Variants in PLAC8L1 observed in about 807,000 individuals in gnomAD.
The protein encoded by PLAC8L1 is PLAC8 like 1.
A neutral mutation model predicts 16.3 loss-of-function variants in PLAC8L1; 13 were observed. The observed-to-expected ratio is 0.80, with a 90% CI of 0.52 to 1.27. The LOEUF (loss-of-function observed/expected upper bound fraction) is 1.27. Among genes scored for constraint, PLAC8L1 ranks in the 50% most tolerant of loss-of-function variants. The pLI is 0.00. For synonymous variants in PLAC8L1, 78 were observed against 79.3 expected (o/e 0.98, Z 0.09); for missense variants, 184 against 220.2 (o/e 0.84, Z 1.04).
At chr5:146,099,123 G>A (rs1429467859) in intron 1 of PLAC8L1, among the ~76,000 whole-genome samples, 1 of 152,138 alleles carries the variant, frequency 6.6e-6, no homozygotes, top group Non-Finnish European at 1.5e-5. Context: ...GGGATGTCTG[G>A]AGTGATTTCC....
Position 146,104,398 on chromosome 5 carries a change from A to C in PLAC8L1, c.-87T>G, listed in dbSNP as rs1364887307. 1.0e-6 allele frequency: 1 copy of C among 1,001,478 alleles called. No individual in the cohort carries two copies. The highest frequency in any genetic ancestry group is 1.6e-6 in the Non-Finnish European group (1 of 632,108). 62.0% of individuals were successfully genotyped at this position (1,001,478 alleles called of 1,614,324 possible). A position where few individuals can be genotyped will look rare whatever the true frequency, so the allele number is the denominator to read the frequency against. On this transcript the variant is annotated 5_prime_UTR_variant, in exon 1 of 4. Transcript: ENST00000311450. Reference sequence around the variant, plus strand: ...CTAAACTTCGGATTAGTCCAAAGTGAAACATCTCTTGAAAGAATGTTCCCT... The same window carrying C: ...CTAAACTTCGGATTAGTCCAAAGTGCAACATCTCTTGAAAGAATGTTCCCT...
At chr5:146,096,657 T>C (rs921363912) in intron 2 of PLAC8L1, among the ~76,000 whole-genome samples, 1 of 151,346 alleles carries the variant, frequency 6.6e-6, no homozygotes, top group African/African-American at 2.4e-5. Context: ...TTTGCCCTAG[T>C]TAAAAGTGCA....
At chr5:146,085,387 G>T in intron 3 of PLAC8L1, 74 bp downstream of exon 3, 2 of 1,471,488 alleles carry the variant, frequency 1.4e-6, no homozygotes, top group South Asian at 3.0e-5. Context: ...CTTTTATTTG[G>T]AAAATCACAG....
At position 146,102,789 on chromosome 5, in the gene PLAC8L1, T is replaced by C. The variant is rs1199941873; in HGVS notation, c.119+1404A>G. Among the ~76,000 whole-genome samples the C allele has an allele frequency of 2.0e-5, 3 of 152,172 alleles. No individual in the cohort carries two copies. In the East Asian group the frequency reaches 5.8e-4, roughly 29 times the overall value. ...GTTGTGACATCTTAGAAAATACAAC[T>C]TGTCACAACCCTCAGCTCTGGCCTC... On this transcript the variant is annotated intron_variant, in intron 1 of 3. Transcript: ENST00000311450.
At chr5:146,100,192 G>A (rs1406567722) in intron 1 of PLAC8L1, among the ~76,000 whole-genome samples, 1 of 152,162 alleles carries the variant, frequency 6.6e-6, no homozygotes, top group Non-Finnish European at 1.5e-5. Context: ...AAAAATAGGA[G>A]AATAAGAGGT....
intron 1 of PLAC8L1, among the ~76,000 whole-genome samples, chr5:146,101,148 GATTGCACCACTGC>G (rs1410667064): frequency 7.1e-6 from 1 of 140,548 alleles, no homozygotes; most frequent in African/African-American, 2.7e-5. Context: ...AATGAGCCGA[GATTGCACCACTGC>G]ATTCCAGCCT....
intron 1 of PLAC8L1, among the ~76,000 whole-genome samples, chr5:146,098,916 T>C (rs889012325): frequency 2.0e-5 from 3 of 152,226 alleles, no homozygotes; most frequent in Admixed American, 6.5e-5. Context: ...TGTCTTGATA[T>C]CAAATTACTG....
chr5:146,092,996 G>A (rs996170172), intron 2 of PLAC8L1, among the ~76,000 whole-genome samples: 2 of 151,820 alleles, frequency 1.3e-5, no homozygotes, highest in Non-Finnish European at 2.9e-5. Context: ...TGTGTTTACA[G>A]TGCTACCACT....
chr5:146,104,507 C>A lies in PLAC8L1; in HGVS notation c.-196G>T. 2.0e-6 allele frequency: 1 copy of A among 495,444 alleles called. No individual in the cohort carries two copies. The highest frequency in any genetic ancestry group is 2.2e-5 in the South Asian group (1 of 45,706). The allele number at this position is 495,444 out of a possible 1,614,324, so 30.7% of individuals were successfully genotyped here. A position where few individuals can be genotyped will look rare whatever the true frequency, so the allele number is the denominator to read the frequency against. On this transcript the variant is annotated 5_prime_UTR_variant, in exon 1 of 4. Transcript: ENST00000311450. ...AAACAGGTATACACCTAACTGTGGA[C>A]ACATTCATCTTACTAATCTGTAGGG... is the stretch of plus-strand genomic sequence containing the variant.
chr5:146,099,683 G>C, intron 1 of PLAC8L1, among the ~76,000 whole-genome samples: 1 of 137,662 alleles, frequency 7.3e-6, no homozygotes, highest in African/African-American at 2.7e-5. Flanking sequence ...AAAAAAAAAA[G>C]TTGTTGCAGT....
intron 2 of PLAC8L1, among the ~76,000 whole-genome samples, chr5:146,097,477 A>ATATTTG (rs1355414850): frequency 1.3e-5 from 2 of 152,222 alleles, no homozygotes; most frequent in African/African-American, 2.4e-5. Flanking sequence ...TCTGCTATAA[A>ATATTTG]TATTTGTATT....
chr5:146,085,655 A>C lies in PLAC8L1; in HGVS notation c.257-58T>G. On this transcript the variant is annotated intron_variant, in intron 2 of 3. Coordinates refer to ENST00000311450, the MANE Select transcript of PLAC8L1 (RefSeq NM_001029869.3). Reference sequence around the variant, plus strand: ...CTCAGATTTCTTGGAGCAACTTCACATCTCAAAGAATATTTACAACATTAT... The same window carrying C: ...CTCAGATTTCTTGGAGCAACTTCACCTCTCAAAGAATATTTACAACATTAT... The C allele has an allele frequency of 1.1e-5, 17 of 1,549,210 alleles. No individual in the cohort carries two copies. In the South Asian group the frequency reaches 2.1e-4, roughly 19 times the overall value.
chr5:146,102,040 C>CTTTTTTTTTTTTTTT (rs36011275), intron 1 of PLAC8L1, among the ~76,000 whole-genome samples: 5 of 130,504 alleles, frequency 3.8e-5, no homozygotes, highest in Non-Finnish European at 8.1e-5. Flanking sequence ...TGTGTTTACC[C>CTTTTTTTTTTTTTTT]TTTTTTTTTT....
intron 2 of PLAC8L1, among the ~76,000 whole-genome samples, chr5:146,087,741 T>C (rs766707964): frequency 2.0e-5 from 3 of 152,212 alleles, no homozygotes; most frequent in Non-Finnish European, 2.9e-5. Flanking sequence ...GAATGGGTAC[T>C]TTATAAAGAA....
intron 1 of PLAC8L1, among the ~76,000 whole-genome samples, chr5:146,102,608 T>A (rs141877017): frequency 6.6e-6 from 1 of 152,284 alleles, no homozygotes; most frequent in Admixed American, 6.5e-5. Context: ...AGAACAGGAA[T>A]GAGTATGCAA....
intron 2 of PLAC8L1, among the ~76,000 whole-genome samples, chr5:146,087,419 C>T (rs73313975): frequency 1.3e-5 from 2 of 152,126 alleles, no homozygotes; most frequent in African/African-American, 2.4e-5. Flanking sequence ...GGTAGATATA[C>T]GTTTAACTTT....
intron 1 of PLAC8L1, among the ~76,000 whole-genome samples, chr5:146,099,254 T>C (rs1338895616): frequency 2.6e-5 from 4 of 152,186 alleles, no homozygotes; most frequent in Non-Finnish European, 4.4e-5. Context: ...GTGCTTCTCT[T>C]TCAGCAAGCC....
At chr5:146,100,905 T>C (rs962689194) in intron 1 of PLAC8L1, among the ~76,000 whole-genome samples, 1 of 151,996 alleles carries the variant, frequency 6.6e-6, no homozygotes, top group Non-Finnish European at 1.5e-5. Context: ...ATTCAGTAAG[T>C]TTGGTGGCCT....
chr5:146,099,530 G>A (rs894651045), intron 1 of PLAC8L1: 2 of 152,206 alleles, frequency 1.3e-5, no homozygotes, highest in African/African-American at 4.8e-5. Context: ...GTGGTGGTGT[G>A]CACTTGTAGT....
Sources: allele counts gnomAD v4.1 joint callset (sites outside exome capture counted in the v4.1 genomes callset), GRCh38; gene constraint gnomAD v4.1.1; transcripts MANE v1.5; gene names NCBI Gene and HGNC (gene_info 2026-07-23, HGNC 2026-07-21).